TTC7B: variants seen among roughly 807,000 people sequenced by gnomAD.
The protein encoded by TTC7B is tetratricopeptide repeat protein 7B.
In TTC7B, 28 loss-of-function variants were observed where a neutral mutation model predicts 106.8. The ratio of observed to expected loss-of-function variants is 0.26; its 90% CI spans 0.19 to 0.36. The LOEUF (loss-of-function observed/expected upper bound fraction) is 0.36, where lower values mean the gene tolerates loss of function less well. TTC7B is among the 10% of genes least tolerant of loss of function. The pLI is 1.00. For missense variants in TTC7B, 862 were observed against 1,076.4 expected (o/e 0.80, Z 2.79); for synonymous variants, 405 against 430.6 (o/e 0.94, Z 0.74).
chr14:90,662,288 G>T (rs1162005842), intron 9 of TTC7B, among the ~76,000 whole-genome samples: 1 of 152,256 alleles, frequency 6.6e-6, no homozygotes, highest in Non-Finnish European at 1.5e-5. Flanking sequence ...CAAGCAACCT[G>T]AGTGAGCTGG....
At chr14:90,810,519 A>T (rs990238349) in intron 1 of TTC7B, among the ~76,000 whole-genome samples, 2 of 152,196 alleles carry the variant, frequency 1.3e-5, no homozygotes, top group Non-Finnish European at 2.9e-5. Context: ...CTGTTTTGTC[A>T]TCTATAAGAG....
chr14:90,795,555 A>C (rs28564680), intron 1 of TTC7B, among the ~76,000 whole-genome samples: 23,941 of 152,190 alleles, frequency 0.16, 2,103 homozygotes, highest in Non-Finnish European at 0.19. Context: ...CCTGGGCTTA[A>C]ATCCCACCTC....
At chr14:90,633,426 T>C (rs1331723778) in intron 15 of TTC7B, among the ~76,000 whole-genome samples, 3 of 152,234 alleles carry the variant, frequency 2.0e-5, no homozygotes, top group Non-Finnish European at 2.9e-5. Flanking sequence ...TTAGCGGCCA[T>C]TGTAAGGCTT....
Position 90,624,998 on chromosome 14 carries a change from C to A in TTC7B, c.1752-6953G>T, listed in dbSNP as rs1884375754. Reference sequence around the variant, plus strand: ...GCAGCGGCTGAGGGGGCCCTGGATACCTTCCCCATCTCTTGCTGCCTCCTG... The same window carrying A: ...GCAGCGGCTGAGGGGGCCCTGGATAACTTCCCCATCTCTTGCTGCCTCCTG... On this transcript the variant is annotated intron_variant, in intron 15 of 19. Transcript: ENST00000328459. The surrounding 1 kb of genome is among the most constrained non-coding windows in gnomAD (Gnocchi z 4.0). Among the ~76,000 whole-genome samples the A allele has an allele frequency of 6.6e-6, 1 of 152,204 alleles. No homozygotes were observed. Among genetic ancestry groups the A allele is most frequent in the South Asian group, 2.1e-4 (1 of 4,836 alleles).
chr14:90,682,948 T>G (rs538989960), intron 7 of TTC7B, among the ~76,000 whole-genome samples: 1 of 152,290 alleles, frequency 6.6e-6, no homozygotes, highest in African/African-American at 2.4e-5. Flanking sequence ...ACAGAAGACA[T>G]AGGGAACAAG....
At chr14:90,649,337 G>A (rs1295093055) in intron 13 of TTC7B, among the ~76,000 whole-genome samples, 2 of 152,334 alleles carry the variant, frequency 1.3e-5, no homozygotes, top group African/African-American at 4.8e-5. Context: ...AGCTCCCTGT[G>A]TTGATCTCAA....
At chr14:90,593,694 C>T (rs1199244493) in intron 17 of TTC7B, 68 bp from the exon 18 acceptor site, 2 of 1,446,846 alleles carry the variant, frequency 1.4e-6, no homozygotes, top group Middle Eastern at 1.8e-4. Context: ...AACCCCTTCC[C>T]ACACAGACAA....
chr14:90,683,014 A>G (rs1887114898), intron 7 of TTC7B, among the ~76,000 whole-genome samples: 1 of 152,218 alleles, frequency 6.6e-6, no homozygotes, highest in Non-Finnish European at 1.5e-5. Flanking sequence ...CTCCCACATA[A>G]TAGCTTTTTC....
At chr14:90,811,898 C>T (rs548760551) in intron 1 of TTC7B, among the ~76,000 whole-genome samples, 4 of 152,314 alleles carry the variant, frequency 2.6e-5, no homozygotes, top group South Asian at 2.1e-4. Flanking sequence ...TCAGGACAGT[C>T]GCAGACCTCC....
chr14:90,660,881 C>T (rs990601794), intron 9 of TTC7B, among the ~76,000 whole-genome samples: 2 of 152,236 alleles, frequency 1.3e-5, no homozygotes, highest in African/African-American at 4.8e-5. Context: ...TTGGCGATGG[C>T]ACAGGGTGGG....
chr14:90,800,378 T>C (rs1030629212), intron 1 of TTC7B, among the ~76,000 whole-genome samples: 5 of 152,104 alleles, frequency 3.3e-5, no homozygotes, highest in Non-Finnish European at 7.4e-5. Flanking sequence ...CATGTCCACA[T>C]CCTCATCTCT....
Position 90,558,087 on chromosome 14 carries a change from T to C in TTC7B, c.2311-16498A>G, listed in dbSNP as rs562230079. Among the ~76,000 whole-genome samples, 5 of 152,212 alleles carry C rather than the reference T, an allele frequency of 3.3e-5. No individual in the cohort carries two copies. The East Asian group carries it at 9.7e-4, about 29-fold the overall frequency. ...ACTCGATAGATGAGTATGGAAGGGG[T>C]ATTATTTCCCAGCTGTGCTGCAGCC... On this transcript the variant is annotated intron_variant, in intron 19 of 19. Transcript: ENST00000328459.
At chr14:90,789,448 C>T (rs937751010) in intron 1 of TTC7B, among the ~76,000 whole-genome samples, 3 of 152,050 alleles carry the variant, frequency 2.0e-5, no homozygotes, top group Non-Finnish European at 2.9e-5. Context: ...GAAGGCAGGG[C>T]TCGGTGGCTC....
chr14:90,541,211 T>C lies in TTC7B; in HGVS notation c.*157A>G. ...AGAGAAACGCACATGGCGAGAGCGA[T>C]GATTCGGGGTTGGTTTGGTTGGTTC... On this transcript the variant is annotated 3_prime_UTR_variant, in exon 20 of 20. Transcript: ENST00000328459. 1.8e-6 allele frequency: 1 copy of C among 556,258 alleles called. No individual in the cohort carries two copies. Among genetic ancestry groups the C allele is most frequent in the Non-Finnish European group, 3.0e-6 (1 of 331,324 alleles). 34.5% of individuals were successfully genotyped at this position (556,258 alleles called of 1,614,324 possible). A position where few individuals can be genotyped will look rare whatever the true frequency, so the allele number is the denominator to read the frequency against.
chr14:90,584,411 A>G (rs1234868056), intron 18 of TTC7B, among the ~76,000 whole-genome samples: 3 of 152,202 alleles, frequency 2.0e-5, no homozygotes, highest in Non-Finnish European at 2.9e-5. Context: ...GGGTGTGCAC[A>G]GGCACTGGGC....
chr14:90,674,840 C>T (rs1419767924), intron 9 of TTC7B, among the ~76,000 whole-genome samples: 1 of 152,198 alleles, frequency 6.6e-6, no homozygotes, highest in African/African-American at 2.4e-5. Flanking sequence ...TGGCACTGCA[C>T]CACCTTTTGC....
rs771396308 is a variant in TTC7B at position 90,603,221 on chromosome 14, C to T, written c.1966+7521G>A. ...GGGGGAGTGTGATTCTGGAGGCCCT[C>T]GGAAGGATTAATAGATTGGTAAACT... On this transcript the variant is annotated intron_variant, in intron 17 of 19. Coordinates refer to ENST00000328459, the MANE Select transcript of TTC7B (RefSeq NM_001010854.2). 1.1e-5 allele frequency: 14 copies of T among 1,269,874 alleles called. No individual in the cohort carries two copies. The African/African-American group carries it at 1.5e-4, about 14-fold the overall frequency. The allele number at this position is 1,269,874 out of a possible 1,614,324, so 78.7% of individuals were successfully genotyped here. A position where few individuals can be genotyped will look rare whatever the true frequency, so the allele number is the denominator to read the frequency against.
intron 3 of TTC7B, among the ~76,000 whole-genome samples, chr14:90,768,286 C>T (rs1200730638): frequency 8.5e-5 from 13 of 152,164 alleles, no homozygotes. Context: ...TTCCACATAG[C>T]TGGGGAGACC....
intron 15 of TTC7B, among the ~76,000 whole-genome samples, chr14:90,620,152 G>A (rs1366697413): frequency 6.6e-6 from 1 of 152,078 alleles, no homozygotes; most frequent in Non-Finnish European, 1.5e-5. Flanking sequence ...CCCCATGCCT[G>A]GGCTTGCAGA....
Sources: gnomAD v4.1 joint callset for allele counts (sites outside exome capture counted in the v4.1 genomes callset) on GRCh38, gnomAD v4.1.1 for gene constraint, Gnocchi (gnomAD v3.1) non-coding constraint, MANE v1.5 for transcripts, NCBI Gene and HGNC (gene_info 2026-07-23, HGNC 2026-07-21) for gene names.